The following NPIPB2 variants were observed in gnomAD, a reference collection of about 807,000 sequenced individuals.
NPIPB2 encodes nuclear pore complex interacting protein family member B2.
Under a neutral mutation model 30.8 loss-of-function variants are expected in NPIPB2, and 27 were observed. The ratio of observed to expected loss-of-function variants is 0.88; its 90% CI spans 0.65 to 1.21. The LOEUF (loss-of-function observed/expected upper bound fraction) is 1.21. Ranked by LOEUF, NPIPB2 falls within the 50% of genes most tolerant of loss-of-function variation. NPIPB2 has a pLI of 0.00. For missense variants in NPIPB2, 440 were observed against 446.2 expected (o/e 0.99, Z 0.13); for synonymous variants, 147 against 162.0 (o/e 0.91, Z 0.70).
At chr16:11,970,043 A>C (rs1016621592) in intron 1 of NPIPB2, among the ~76,000 whole-genome samples, 1 of 151,602 alleles carries the variant, frequency 6.6e-6, no homozygotes, top group African/African-American at 2.4e-5. Flanking sequence ...AACTCATTTT[A>C]AGCACACAAA....
upstream of NPIPB2, among the ~76,000 whole-genome samples, chr16:11,946,853 G>A (rs1419289928): frequency 6.6e-6 from 1 of 151,718 alleles, no homozygotes; most frequent in Admixed American, 6.6e-5. Flanking sequence ...CTGAGTAGCT[G>A]AGATTACAGG....
chr16:11,966,396 T>A (rs1172542719), intron 1 of NPIPB2: 3 of 1,544,948 alleles, frequency 1.9e-6, no homozygotes, highest in East Asian at 4.5e-5. Context: ...CTATTGTGAG[T>A]TTCAGTTCCT....
chr16:11,930,385 A>G, intron 5 of NPIPB2, 65 bp downstream of exon 5: 3 of 1,417,242 alleles, frequency 2.1e-6, no homozygotes. Flanking sequence ...AACATTGTAC[A>G]AAGGTTAAAA....
At chr16:11,972,469 G>A (rs922562615) in intron 1 of NPIPB2, among the ~76,000 whole-genome samples, 3 of 152,048 alleles carry the variant, frequency 2.0e-5, no homozygotes, top group African/African-American at 7.2e-5. Flanking sequence ...CAGCTACTTT[G>A]GAGTGTGAGG....
intron 1 of NPIPB2, among the ~76,000 whole-genome samples, chr16:11,970,819 C>T (rs1448179804): frequency 6.6e-6 from 1 of 151,810 alleles, no homozygotes; most frequent in African/African-American, 2.4e-5. Context: ...CAGGCATGAG[C>T]CACCGCGCCT....
upstream of NPIPB2, among the ~76,000 whole-genome samples, chr16:11,946,377 C>T (rs942328467): frequency 3.7e-5 from 4 of 108,872 alleles, no homozygotes; most frequent in African/African-American, 6.8e-5. Flanking sequence ...AAAAGCTAAA[C>T]TCTATCTCAA....
chr16:11,927,391 G>T, exon 8 of NPIPB2: 1 of 925,322 alleles, frequency 1.1e-6, no homozygotes, highest in Non-Finnish European at 1.7e-6. Context: ...GAGTGCAATG[G>T]CCTGTTCTCA....
chr16:11,958,291 T>C (rs545791041), intron 1 of NPIPB2, among the ~76,000 whole-genome samples: 30 of 151,408 alleles, frequency 2.0e-4, no homozygotes, highest in African/African-American at 7.0e-4. Flanking sequence ...CTGGGCGTGG[T>C]GGGTGGGTGC....
At chr16:11,976,604 T>G (rs1221108676) in exon 1 of NPIPB2, 14 of 366,834 alleles carry the variant, frequency 3.8e-5, no homozygotes, top group African/African-American at 2.5e-4. Flanking sequence ...AGCACCGCTC[T>G]CCACACCGGG....
intron 1 of NPIPB2, among the ~76,000 whole-genome samples, chr16:11,970,212 C>A (rs570037227): frequency 6.6e-6 from 1 of 151,046 alleles, no homozygotes; most frequent in Non-Finnish European, 1.5e-5. Flanking sequence ...TATTTTTATT[C>A]ATTTATTTAT....
chr16:11,941,735 A>G lies in NPIPB2; in HGVS notation c.63+248T>C, dbSNP rs2054944241. Reference sequence around the variant, plus strand: ...TGCCTCACAATGGACGTGCCTCACAATGGACATGCCAAGTAGCGCCCGCAT... The same window carrying G: ...TGCCTCACAATGGACGTGCCTCACAGTGGACATGCCAAGTAGCGCCCGCAT... On this transcript the variant is annotated intron_variant, in intron 1 of 7. Transcript: ENST00000399147. The G allele has an allele frequency of 4.1e-5, 33 of 810,034 alleles. No individual in the cohort carries two copies. In the South Asian group the frequency reaches 4.5e-4, roughly 11 times the overall value. The allele number at this position is 810,034 out of a possible 1,614,324, so 50.2% of individuals were successfully genotyped here.
chr16:11,940,854 CAA>C (rs1285002969), intron 1 of NPIPB2, among the ~76,000 whole-genome samples: 2 of 144,146 alleles, frequency 1.4e-5, no homozygotes, highest in African/African-American at 5.1e-5. Context: ...TTGTTAGAGA[CAA>C]GAGTGCAGCG....
chr16:11,940,865 C>T (rs1425357246), intron 1 of NPIPB2, among the ~76,000 whole-genome samples: 40 of 139,896 alleles, frequency 2.9e-4, no homozygotes, highest in South Asian at 9.6e-4. Context: ...AAGAGTGCAG[C>T]GGGGCCATCT....
chr16:11,973,809 G>C (rs1446126921), intron 1 of NPIPB2, among the ~76,000 whole-genome samples: 2 of 152,040 alleles, frequency 1.3e-5, no homozygotes, highest in Non-Finnish European at 2.9e-5. Flanking sequence ...TTATCACAAG[G>C]CTACAAAAAG....
chr16:11,954,548 A>G (rs996905509), intron 1 of NPIPB2, among the ~76,000 whole-genome samples: 2 of 151,950 alleles, frequency 1.3e-5, no homozygotes, highest in South Asian at 4.1e-4. Context: ...TAATTGAGAA[A>G]TAAAATTTTT....
intron 1 of NPIPB2, among the ~76,000 whole-genome samples, chr16:11,963,451 T>C (rs576587125): frequency 6.6e-6 from 1 of 150,962 alleles, no homozygotes; most frequent in South Asian, 2.1e-4. Context: ...GTAGAAGGGA[T>C]GGCAGGTTTC....
At chr16:11,927,738 T>C (rs774206157) in exon 8 of NPIPB2, 2 of 1,598,846 alleles carry the variant, frequency 1.3e-6, no homozygotes, top group Middle Eastern at 4.3e-4. Flanking sequence ...GTCTTGAGGC[T>C]CAGGGAGTTA....
chr16:11,955,317 G>A (rs1177259035), intron 1 of NPIPB2, among the ~76,000 whole-genome samples: 1 of 127,756 alleles, frequency 7.8e-6, no homozygotes, highest in Admixed American at 9.9e-5. Context: ...TGGTACCACT[G>A]TACTCTAGCC....
At chr16:11,961,084 A>G (rs987944499) in intron 1 of NPIPB2, among the ~76,000 whole-genome samples, 15 of 151,960 alleles carry the variant, frequency 9.9e-5, no homozygotes, top group African/African-American at 3.6e-4. Context: ...ATTGGCCTCA[A>G]ACTCCTGACT....
Sources: allele counts gnomAD v4.1 joint callset (sites outside exome capture counted in the v4.1 genomes callset), GRCh38; gene constraint gnomAD v4.1.1; transcripts MANE v1.5; gene names NCBI Gene and HGNC (gene_info 2026-07-23, HGNC 2026-07-21).